The following FHL1 variants were observed in gnomAD, a reference collection of about 807,000 sequenced individuals.
FHL1 encodes the protein four and a half LIM domains protein 1.
FHL1 carries 1 observed loss-of-function variant against 20.3 expected under a neutral mutation model. The ratio of observed to expected loss-of-function variants is 0.05; its 90% CI spans 0.02 to 0.23. FHL1 has a LOEUF of 0.23. Ranked by LOEUF, FHL1 falls within the 10% of genes least tolerant of loss-of-function variation. FHL1 has a pLI of 1.00. For missense variants in FHL1, 177 were observed against 234.0 expected (o/e 0.76, Z 1.59); for synonymous variants, 82 against 88.9 (o/e 0.92, Z 0.44).
chrX:136,175,886 A>G (rs1172966370), intron 2 of FHL1, among the ~76,000 whole-genome samples: 1 of 112,443 alleles, frequency 8.9e-6, no homozygotes, highest in Non-Finnish European at 1.9e-5. Flanking sequence ...TATTACTTAG[A>G]TGTTGAGAAT....
chrX:136,208,865 A>T (rs2073924129), intron 5 of FHL1, among the ~76,000 whole-genome samples: 1 of 103,717 alleles, frequency 9.6e-6, no homozygotes, highest in East Asian at 3.2e-4. Flanking sequence ...CAATGCTGAG[A>T]GTTCACAAGC....
At chrX:136,199,500 T>G (rs1356551673) in intron 1 of FHL1, among the ~76,000 whole-genome samples, 1 of 112,593 alleles carries the variant, frequency 8.9e-6, no homozygotes, top group Admixed American at 9.4e-5. Context: ...TTGCAGCTAC[T>G]TAGGTATTTA....
At chrX:136,209,449 G>A (rs1192979398) in intron 5 of FHL1, 1 of 1,209,465 alleles carries the variant, frequency 8.3e-7, no homozygotes, top group South Asian at 1.8e-5. Context: ...CCCGGTAAGT[G>A]CACACCCCAC....
At chrX:136,209,761 C>A in intron 5 of FHL1, 110 bp from the exon 6 acceptor site, 1 of 926,271 alleles carries the variant, frequency 1.1e-6, no homozygotes, top group Non-Finnish European at 1.5e-6. Context: ...GCTTGTCGGT[C>A]TGTGAGTGGG....
chrX:136,169,392 G>A (rs2148296579), upstream of FHL1: 2 of 158,575 alleles, frequency 1.3e-5, no homozygotes, highest in East Asian at 1.7e-4. Flanking sequence ...TAACTTCAGC[G>A]GTCACAGGGC....
At chrX:136,202,522 C>T (rs1217010486) in intron 1 of FHL1, among the ~76,000 whole-genome samples, 2 of 111,691 alleles carry the variant, frequency 1.8e-5, no homozygotes, top group Non-Finnish European at 3.8e-5. Context: ...CTTTGGGAGG[C>T]CAAGGCAGGT....
chrX:136,169,521 A>G (rs2072803036), upstream of FHL1: 1 of 135,490 alleles, frequency 7.4e-6, no homozygotes, highest in African/African-American at 7.8e-5. Context: ...AGAGAGAGAG[A>G]AAAAAAAAGG....
intron 1 of FHL1, among the ~76,000 whole-genome samples, chrX:136,163,778 C>T (rs758787559): frequency 9.9e-5 from 11 of 111,110 alleles, no homozygotes; most frequent in African/African-American, 3.6e-4. Context: ...AGTTATAATG[C>T]GGAGGTGACC....
intron 2 of FHL1, among the ~76,000 whole-genome samples, chrX:136,189,144 T>C (rs2073376561): frequency 9.0e-6 from 1 of 111,672 alleles, no homozygotes; most frequent in Non-Finnish European, 1.9e-5. Flanking sequence ...CCAGAAAAGG[T>C]CTAATTAGCC....
At chrX:136,177,574 A>T (rs906643687) in intron 2 of FHL1, among the ~76,000 whole-genome samples, 3 of 112,161 alleles carry the variant, frequency 2.7e-5, no homozygotes, top group Non-Finnish European at 5.6e-5. Context: ...CAGCTTCTCT[A>T]AGAATAAGCT....
chrX:136,183,107 AAC>A (rs1569529229), intron 2 of FHL1, among the ~76,000 whole-genome samples: 1 of 100,924 alleles, frequency 9.9e-6, no homozygotes, highest in African/African-American at 3.4e-5. Flanking sequence ...AAAAAAAAAA[AAC>A]AAAAAACAAA....
intron 2 of FHL1, among the ~76,000 whole-genome samples, chrX:136,180,075 G>C (rs1477155766): frequency 8.9e-6 from 1 of 111,778 alleles, no homozygotes; most frequent in Non-Finnish European, 1.9e-5. Context: ...AATTTGTTGA[G>C]ATCCTGACAT....
At chrX:136,168,194 A>AG (rs1414081523), upstream of FHL1, 2 of 111,947 alleles carry the variant, frequency 1.8e-5, no homozygotes, top group African/African-American at 6.5e-5. Context: ...ATTTGAGCTC[A>AG]GGCAGTCTGA....
chrX:136,186,678 CT>C (rs1458530878), intron 2 of FHL1, among the ~76,000 whole-genome samples: 1 of 109,628 alleles, frequency 9.1e-6, no homozygotes, highest in Non-Finnish European at 1.9e-5. Flanking sequence ...CATGGTGAAA[CT>C]CTTTTCTCTA....
chrX:136,205,531 C>T lies in FHL1; in HGVS notation c.23-876C>T, dbSNP rs148207905. On this transcript the variant is annotated intron_variant, in intron 1 of 5. Transcript: ENST00000370683. ...AGATAATTCAAGGTTGCCAAACTTG[C>T]CTGTGCCAATTGACAAAGCCATTTA... Among the ~76,000 whole-genome samples, 152 of 111,947 alleles carry T rather than the reference C, an allele frequency of 1.4e-3. 1 individual carries two copies. Among genetic ancestry groups the T allele is most frequent in the African/African-American group, 4.8e-3 (148 of 30,845 alleles).
At chrX:136,151,269 A>C (rs1440543142) in intron 1 of FHL1, among the ~76,000 whole-genome samples, 3 of 91,575 alleles carry the variant, frequency 3.3e-5, no homozygotes, top group Non-Finnish European at 6.7e-5. Flanking sequence ...CGGCAAACAA[A>C]ATTATCCAGC....
At chrX:136,151,868 CAGAG>C (rs1224863506) in intron 1 of FHL1, among the ~76,000 whole-genome samples, 1 of 111,995 alleles carries the variant, frequency 8.9e-6, no homozygotes, top group Non-Finnish European at 1.9e-5. Context: ...GAACCACACT[CAGAG>C]AGGTAGAAGA....
At chrX:136,200,261 A>T (rs1286341188) in intron 1 of FHL1, among the ~76,000 whole-genome samples, 1 of 112,580 alleles carries the variant, frequency 8.9e-6, no homozygotes, top group African/African-American at 3.2e-5. Flanking sequence ...ATTTTTAATT[A>T]AATTATTTAA....
intron 2 of FHL1, among the ~76,000 whole-genome samples, chrX:136,182,262 T>C (rs1439196032): frequency 8.9e-6 from 1 of 112,195 alleles, no homozygotes; most frequent in Non-Finnish European, 1.9e-5. Flanking sequence ...AAAAGTGTTA[T>C]AGACATAGAA....
Sources: allele counts gnomAD v4.1 joint callset (sites outside exome capture counted in the v4.1 genomes callset), GRCh38; gene constraint gnomAD v4.1.1; transcripts MANE v1.5; gene names NCBI Gene and HGNC (gene_info 2026-07-23, HGNC 2026-07-21).